The following NPIPA1 variants were observed in gnomAD, a reference collection of about 807,000 sequenced individuals.
NPIPA1 encodes the protein nuclear pore complex-interacting protein family member A1.
For missense variants in NPIPA1, 22 were observed against 232.2 expected (o/e 0.09, Z 5.88); for synonymous variants, 7 against 88.0 (o/e 0.08, Z 5.15).
intron 1 of NPIPA1, among the ~76,000 whole-genome samples, chr16:14,940,394 A>G (rs1965721018): frequency 6.6e-6 from 1 of 152,316 alleles, no homozygotes; most frequent in African/African-American, 2.4e-5. Context: ...ACATCAATTT[A>G]AAAAACAAAT....
chr16:14,943,471 T>C (rs1259510522), intron 2 of NPIPA1, among the ~76,000 whole-genome samples: 810 of 147,104 alleles, frequency 5.5e-3, no homozygotes, highest in South Asian at 0.012. Flanking sequence ...AGTTTTTAAA[T>C]TTACCACTTT....
chr16:14,941,063 G>A (rs1471259536), intron 1 of NPIPA1, among the ~76,000 whole-genome samples: 1 of 149,862 alleles, frequency 6.7e-6, no homozygotes, highest in Non-Finnish European at 1.5e-5. Context: ...GAGAGGCAGA[G>A]GTTGCAGTGA....
chr16:14,945,037 G>A (rs1447662951), intron 2 of NPIPA1, among the ~76,000 whole-genome samples: 3 of 145,216 alleles, frequency 2.1e-5, no homozygotes, highest in Non-Finnish European at 3.0e-5. Flanking sequence ...TCAGCCTCCC[G>A]ACTAGCTGGG....
Position 14,951,796 on chromosome 16 carries a change from C to A in NPIPA1, c.824C>A (p.Pro275Gln). The change falls in exon 8 of 8, where the codon CCA becomes CAA. Residue 275 changes from proline (P) to glutamine (Q), a missense_variant. By Grantham distance (76) the Pro-to-Gln change is moderately conservative (BLOSUM62 -1). Coordinates refer to ENST00000328085, the MANE Select transcript of NPIPA1 (RefSeq NM_006985.4). ...TCCGAGTGTCTGCTCACTCCCCTTC[C>A]ACCCTCAGCTCTACCCTCAGCGGAT... The part of the protein sequence containing the change: ...TPSECLLTPL[P>Q]PSALPSADDN... 4 of 1,564,480 alleles carry A rather than the reference C, an allele frequency of 2.6e-6. No homozygotes were observed. In the South Asian group the frequency reaches 4.6e-5, roughly 18 times the overall value.
chr16:14,945,242 G>T (rs1156276100), intron 2 of NPIPA1, among the ~76,000 whole-genome samples: 6 of 147,960 alleles, frequency 4.1e-5, no homozygotes, highest in African/African-American at 1.5e-4. Flanking sequence ...GTGTGTGTGT[G>T]TGTGTGTGTG....
intron 1 of NPIPA1, among the ~76,000 whole-genome samples, chr16:14,938,681 C>T (rs1463055250): frequency 3.6e-4 from 54 of 148,488 alleles, no homozygotes; most frequent in Non-Finnish European, 6.2e-4. Flanking sequence ...TTGTCTCTAA[C>T]AAACAAAACG....
chr16:14,946,535 T>C (rs1441921950), intron 4 of NPIPA1, among the ~76,000 whole-genome samples: 1 of 148,186 alleles, frequency 6.7e-6, no homozygotes. Flanking sequence ...TTTTTTTTTT[T>C]TAATTTTGAG....
intron 2 of NPIPA1, among the ~76,000 whole-genome samples, chr16:14,945,237 T>TGC (rs1567575409): frequency 6.8e-6 from 1 of 146,686 alleles, no homozygotes; most frequent in East Asian, 2.1e-4. Context: ...GGTGTGTGTG[T>TGC]GTGTGTGTGT....
intron 1 of NPIPA1, among the ~76,000 whole-genome samples, chr16:14,941,097 C>T (rs1395148446): frequency 6.6e-6 from 1 of 151,202 alleles, no homozygotes; most frequent in South Asian, 2.1e-4. Flanking sequence ...CACTGCACTC[C>T]AGCCTGGGTG....
intron 2 of NPIPA1, among the ~76,000 whole-genome samples, chr16:14,945,142 C>G (rs1315678932): frequency 1.3e-5 from 2 of 149,336 alleles, no homozygotes. Context: ...AACTCCCGAC[C>G]TCAGGTGATC....
intron 1 of NPIPA1, among the ~76,000 whole-genome samples, chr16:14,939,003 T>C (rs1965692402): frequency 1.4e-5 from 2 of 140,586 alleles, no homozygotes; most frequent in Non-Finnish European, 3.0e-5. Context: ...ATTACAGGCG[T>C]GAGCCACCGC....
chr16:14,947,279 A>G (rs1193977424), intron 4 of NPIPA1, among the ~76,000 whole-genome samples: 1 of 152,238 alleles, frequency 6.6e-6, no homozygotes, highest in African/African-American at 2.4e-5. Flanking sequence ...GTAGCATGTT[A>G]TCTTGCTGCA....
intron 1 of NPIPA1, chr16:14,938,139 C>T: frequency 1.6e-6 from 2 of 1,253,092 alleles, no homozygotes; most frequent in South Asian, 1.3e-5. Flanking sequence ...GGTCCCCGTC[C>T]CCTTCCCTCC....
At chr16:14,947,202 T>C (rs1965910741) in intron 4 of NPIPA1, among the ~76,000 whole-genome samples, 1 of 152,262 alleles carries the variant, frequency 6.6e-6, no homozygotes, top group Non-Finnish European at 1.5e-5. Context: ...TGCTGCCATA[T>C]GACTGATCTT....
chr16:14,947,251 A>G (rs16952982), intron 4 of NPIPA1, among the ~76,000 whole-genome samples: 21 of 152,330 alleles, frequency 1.4e-4, no homozygotes, highest in East Asian at 5.8e-4. Context: ...AAAATATTTA[A>G]CAATGAATTG....
intron 4 of NPIPA1, among the ~76,000 whole-genome samples, chr16:14,946,666 T>A (rs1204635334): frequency 2.1e-5 from 3 of 140,990 alleles, no homozygotes; most frequent in Non-Finnish European, 4.6e-5. Context: ...GGATTACAGG[T>A]GTGTGCCACC....
intron 1 of NPIPA1, chr16:14,938,094 C>G (rs2151072898): frequency 2.8e-6 from 1 of 351,696 alleles, no homozygotes. Flanking sequence ...CTTCCCCTCC[C>G]CCTCCCCTCC....
rs1965742212 is a variant in NPIPA1, at chr16:14,941,142, AAAAC to A, written c.64-666_64-663del. On this transcript the variant is annotated intron_variant, in intron 1 of 7. Transcript: ENST00000328085. ...GACCCCATCTCAAAAACAACAAACA[AAAAC>A]AAAAAAAATGGCCGGGCACGGTGGC... Among the ~76,000 whole-genome samples, 4 of 151,770 alleles carry A rather than the reference AAAAC, an allele frequency of 2.6e-5. No homozygotes were observed. In the East Asian group the frequency reaches 6.0e-4, roughly 23 times the overall value.
At chr16:14,945,227 G>GGTGTGTGTGT (rs1555533565) in intron 2 of NPIPA1, among the ~76,000 whole-genome samples, 10 of 137,742 alleles carry the variant, frequency 7.3e-5, no homozygotes, top group South Asian at 2.4e-4. Context: ...ATTCTTGTGT[G>GGTGTGTGTGT]GTGTGTGTGT....
Sources: allele counts gnomAD v4.1 joint callset (sites outside exome capture counted in the v4.1 genomes callset), GRCh38; gene constraint gnomAD v4.1.1; transcripts MANE v1.5; gene names NCBI Gene and HGNC (gene_info 2026-07-23, HGNC 2026-07-21).